RABEPK: variants seen among roughly 807,000 people sequenced by gnomAD.
RABEPK encodes the protein Rab9 effector protein with kelch motifs.
Under a neutral mutation model 34.1 loss-of-function variants are expected in RABEPK, and 27 were observed. The ratio of observed to expected loss-of-function variants is 0.79; its 90% confidence interval spans 0.58 to 1.09. The LOEUF (loss-of-function observed/expected upper bound fraction) is 1.09, where lower values mean the gene tolerates loss of function less well. Among genes scored for constraint, RABEPK ranks in the 50% least tolerant of loss-of-function variants. The probability of loss-of-function intolerance (pLI) is 0.00; values close to 1 mark genes in which losing one functional copy is unlikely to be tolerated. For missense variants in RABEPK, 449 were observed against 462.6 expected (o/e 0.97, Z 0.27); for synonymous variants, 172 against 169.2 (o/e 1.02, Z -0.13).
At position 125,233,817 on chromosome 9, in the gene RABEPK, T is replaced by G. The variant is rs753540466; in HGVS notation, c.956T>G (p.Leu319Arg). The G allele has an allele frequency of 1.2e-6, 2 of 1,614,204 alleles. No homozygotes were observed. Among genetic ancestry groups the G allele is most frequent in the East Asian group, 4.5e-5 (2 of 44,884 alleles). Residue 319 changes from leucine (L) to arginine (R), a missense_variant, in exon 8 of 8, where the codon CTG (leucine) becomes CGG (arginine). Leu to Arg is a moderately radical substitution (Grantham distance 102). Transcript: ENST00000373538. ...AAAGAAGATTCCAACTCTCTCACTCTGAACCATGAAGCTGAGAAAGAGGAT... is the reference window on the plus strand; with the variant it reads ...AAAGAAGATTCCAACTCTCTCACTCGGAACCATGAAGCTGAGAAAGAGGAT... Reference protein sequence around the residue: ...SEKEDSNSLTLNHEAEKEDSA... With the variant: ...SEKEDSNSLTRNHEAEKEDSA...
chr9:125,231,665 G>A (rs977849494), intron 6 of RABEPK, among the ~76,000 whole-genome samples: 1 of 151,840 alleles, frequency 6.6e-6, no homozygotes, highest in South Asian at 2.1e-4. Flanking sequence ...AGCCAGACCC[G>A]GTGGCAGGTG....
intron 6 of RABEPK, among the ~76,000 whole-genome samples, 154 bp downstream of exon 6, chr9:125,228,213 A>G (rs2131428435): frequency 6.6e-6 from 1 of 151,978 alleles, no homozygotes; most frequent in East Asian, 1.9e-4. Flanking sequence ...CTCCTACCTC[A>G]TCCTCCGCAG....
chr9:125,218,218 G>A (rs1460554035), intron 4 of RABEPK, among the ~76,000 whole-genome samples: 1 of 149,244 alleles, frequency 6.7e-6, no homozygotes, highest in African/African-American at 2.5e-5. Flanking sequence ...TGCTCGGGAG[G>A]CTGAAGCAGG....
Position 125,220,543 on chromosome 9 carries a change from C to G in RABEPK, c.369C>G (p.Thr123=), listed in dbSNP as rs532611662. 3.7e-6 allele frequency: 6 copies of G among 1,612,594 alleles called. No homozygotes were observed. The South Asian group carries it at 6.6e-5, about 18-fold the overall frequency. ...RNCLQVLNPE[T]RTWTTPEVTS... ...CCTGCATTCTCTCTGGCCCAGAAACCAGGACGTGGACCACGCCAGAAGTGA... is the reference window on the plus strand; with the variant it reads ...CCTGCATTCTCTCTGGCCCAGAAACGAGGACGTGGACCACGCCAGAAGTGA... The change falls in exon 5 of 8, where the codon ACC becomes ACG. Residue 123 remains threonine, a synonymous_variant. Transcript: ENST00000373538.
chr9:125,219,271 A>G (rs1270951438), intron 4 of RABEPK, among the ~76,000 whole-genome samples: 1 of 142,850 alleles, frequency 7.0e-6, no homozygotes, highest in Non-Finnish European at 1.5e-5. Flanking sequence ...ATCATAGTTC[A>G]TTGCAGCCTC....
At chr9:125,233,577 C>CAG in intron 7 of RABEPK, 111 bp from the exon 8 acceptor site, 1 of 1,129,256 alleles carries the variant, frequency 8.9e-7, no homozygotes, top group Non-Finnish European at 1.3e-6. Flanking sequence ...CTCCTGACCT[C>CAG]GTGATCCACC....
At chr9:125,219,939 C>A (rs1347715450) in intron 4 of RABEPK, among the ~76,000 whole-genome samples, 1 of 152,042 alleles carries the variant, frequency 6.6e-6, no homozygotes, top group Admixed American at 6.6e-5. Context: ...CGATAGTGAG[C>A]AAAGTAGAAG....
chr9:125,224,538 C>T (rs1249581471), intron 5 of RABEPK, among the ~76,000 whole-genome samples: 2 of 151,312 alleles, frequency 1.3e-5, no homozygotes. Context: ...CTGCAACCTC[C>T]ACCTCCCGGG....
In RABEPK at chr9:125,207,711, C is replaced by A; in HGVS notation, c.201C>A (p.Thr67=). 1 of 1,614,096 alleles carries A rather than the reference C, an allele frequency of 6.2e-7. No individual in the cohort carries two copies. Among genetic ancestry groups the A allele is most frequent in the East Asian group, 2.2e-5 (1 of 44,874 alleles). Residue 67 remains threonine (T), a synonymous_variant, in exon 3 of 8, where the codon ACC becomes ACA. Coordinates refer to ENST00000373538, the MANE Select transcript of RABEPK (RefSeq NM_005833.4). ...NPNRSFSDVH[T]MDLGKHQWDL... ...ACAGAAGCTTCTCAGACGTGCACAC[C>A]ATGGATCTGGGTAAGATCAGCAGCT... is the stretch of plus-strand genomic sequence containing the variant.
intron 2 of RABEPK, among the ~76,000 whole-genome samples, chr9:125,205,969 A>T (rs523517): frequency 0.043 from 6,474 of 152,222 alleles, 223 homozygotes; most frequent in Non-Finnish European, 0.068. Context: ...GAGAGTCAGG[A>T]GGTGGCTGGT....
At chr9:125,212,144 C>A (rs1830631124) in intron 3 of RABEPK, among the ~76,000 whole-genome samples, 1 of 152,202 alleles carries the variant, frequency 6.6e-6, no homozygotes, top group South Asian at 2.1e-4. Context: ...TGCTTCAGAT[C>A]TAACAAGATA....
chr9:125,222,736 A>T (rs1242120701), intron 5 of RABEPK, among the ~76,000 whole-genome samples: 1 of 151,452 alleles, frequency 6.6e-6, no homozygotes, highest in African/African-American at 2.4e-5. Context: ...AAAAAAAAAA[A>T]AGGACAGAGA....
chr9:125,216,524 T>G (rs1830937120), intron 4 of RABEPK, among the ~76,000 whole-genome samples: 1 of 152,194 alleles, frequency 6.6e-6, no homozygotes, highest in African/African-American at 2.4e-5. Flanking sequence ...AGACAGTATG[T>G]TATCTTTTAA....
At chr9:125,211,399 C>G (rs1830585765) in intron 3 of RABEPK, among the ~76,000 whole-genome samples, 1 of 151,844 alleles carries the variant, frequency 6.6e-6, no homozygotes, top group African/African-American at 2.4e-5. Context: ...ATCCACCCAC[C>G]TCGGCCTCCC....
At chr9:125,211,076 T>TA (rs1240248314) in intron 3 of RABEPK, among the ~76,000 whole-genome samples, 47 of 141,960 alleles carry the variant, frequency 3.3e-4, no homozygotes, top group African/African-American at 4.6e-4. Flanking sequence ...CTACTAAAAA[T>TA]AAAAAAAAAA....
Position 125,207,737 on chromosome 9 carries a change from G to T in RABEPK, c.211+16G>T, listed in dbSNP as rs371378385. On this transcript the variant is annotated intron_variant, in intron 3 of 7. Coordinates refer to ENST00000373538, the MANE Select transcript of RABEPK (RefSeq NM_005833.4). ...ATGGATCTGGGTAAGATCAGCAGCT[G>T]CAGAGTACATGCCCTATGGCCAGAG... The T allele has an allele frequency of 3.1e-6, 5 of 1,613,672 alleles. No individual in the cohort carries two copies. The highest frequency in any genetic ancestry group is 1.3e-5 in the African/African-American group (1 of 74,942).
intron 4 of RABEPK, among the ~76,000 whole-genome samples, chr9:125,215,577 G>A (rs552965863): frequency 1.3e-5 from 2 of 152,082 alleles, no homozygotes; most frequent in African/African-American, 2.4e-5. Context: ...CTCCTGAAGT[G>A]TTGGGATTAC....
chr9:125,214,604 T>C (rs1830802641), intron 4 of RABEPK, among the ~76,000 whole-genome samples: 1 of 152,178 alleles, frequency 6.6e-6, no homozygotes, highest in Admixed American at 6.6e-5. Flanking sequence ...GGAACGTCGC[T>C]ACTGAGAGGA....
chr9:125,230,201 G>A lies in RABEPK; in HGVS notation c.676+2142G>A, dbSNP rs1832069410. Among the ~76,000 whole-genome samples, 3 of 152,054 alleles carry A rather than the reference G, an allele frequency of 2.0e-5. No homozygotes were observed. The South Asian group carries it at 6.2e-4, about 32-fold the overall frequency. On this transcript the variant is annotated intron_variant, in intron 6 of 7. Transcript: ENST00000373538. ...CTGGTCTCCAACTCCAGGACTCAAG[G>A]GATCCACCCGCCTTGGCCTCTCAAA...
Sources: allele counts gnomAD v4.1 joint callset (sites outside exome capture counted in the v4.1 genomes callset), GRCh38; gene constraint gnomAD v4.1.1; transcripts MANE v1.5; gene names NCBI Gene and HGNC (gene_info 2026-07-23, HGNC 2026-07-21).